Variants in B4GALNT3 observed in about 807,000 individuals in gnomAD.
The protein encoded by B4GALNT3 is beta-1,4-N-acetylgalactosaminyltransferase 3.
B4GALNT3 carries 86 observed loss-of-function variants against 120.2 expected under a neutral mutation model. That is an observed-to-expected ratio of 0.72 (90% CI 0.60 to 0.86). The LOEUF is 0.86. B4GALNT3 is among the 40% of genes least tolerant of loss of function. B4GALNT3 has a pLI of 0.00. For synonymous variants in B4GALNT3, 518 were observed against 510.4 expected (o/e 1.01, Z -0.20); for missense variants, 1,167 against 1,298.9 (o/e 0.90, Z 1.56).
chr12:500,565 G>A (rs1259952552), intron 1 of B4GALNT3, among the ~76,000 whole-genome samples: 1 of 152,144 alleles, frequency 6.6e-6, no homozygotes, highest in Non-Finnish European at 1.5e-5. Context: ...TTCTAGTATG[G>A]ACATTCGGCT....
chr12:558,398 G>C (rs2079399498), intron 17 of B4GALNT3, 110 bp from the exon 18 acceptor site: 1 of 1,064,684 alleles, frequency 9.4e-7, no homozygotes, highest in Non-Finnish European at 1.4e-6. Context: ...TTTTGTGGGA[G>C]TTTGTGAATC....
intron 1 of B4GALNT3, among the ~76,000 whole-genome samples, chr12:520,063 C>T (rs901550356): frequency 5.3e-5 from 8 of 152,172 alleles, no homozygotes; most frequent in African/African-American, 1.9e-4. Flanking sequence ...TCATGTCCCT[C>T]CAGCATGGAG....
chr12:536,158 C>A, intron 2 of B4GALNT3, 60 bp from the exon 3 acceptor site: 1 of 1,458,140 alleles, frequency 6.9e-7, no homozygotes. Context: ...TGCCTCCTGT[C>A]CTGCCCGTAG....
chr12:462,602 G>C (rs1946032321), intron 1 of B4GALNT3, among the ~76,000 whole-genome samples: 1 of 151,796 alleles, frequency 6.6e-6, no homozygotes, highest in Admixed American at 6.6e-5. Flanking sequence ...TGCCAGAATT[G>C]ACTTCGTTTC....
chr12:545,951 T>G (rs1395604820), intron 6 of B4GALNT3, among the ~76,000 whole-genome samples: 8 of 7,356 alleles, frequency 1.1e-3, no homozygotes, highest in Non-Finnish European at 2.0e-3. Flanking sequence ...AGTGGGGAGG[T>G]GCGAGGAGTG....
intron 1 of B4GALNT3, among the ~76,000 whole-genome samples, chr12:512,649 CCTTCCACCTT>C (rs1946600974): frequency 7.4e-6 from 1 of 135,662 alleles, no homozygotes; most frequent in African/African-American, 2.8e-5. Flanking sequence ...CCACCTTCCA[CCTTCCACCTT>C]CTTCCACCTT....
In B4GALNT3 at chr12:561,492, C is replaced by A; in HGVS notation, c.*41C>A. The A allele has an allele frequency of 6.8e-7, 1 of 1,467,038 alleles. No individual in the cohort carries two copies. Among genetic ancestry groups the A allele is most frequent in the Non-Finnish European group, 9.4e-7 (1 of 1,061,418 alleles). 90.9% of individuals were successfully genotyped at this position (1,467,038 alleles called of 1,614,324 possible). A position where few individuals can be genotyped will look rare whatever the true frequency, so the allele number is the denominator to read the frequency against. ...GGGGCCCAGCACTCCCCGCTCTGGACTAGCAGTGGCTCCCCAGGGCCCTGC... is the reference window on the plus strand; with the variant it reads ...GGGGCCCAGCACTCCCCGCTCTGGAATAGCAGTGGCTCCCCAGGGCCCTGC... On this transcript the variant is annotated 3_prime_UTR_variant, in exon 20 of 20. Coordinates refer to ENST00000266383, the MANE Select transcript of B4GALNT3 (RefSeq NM_173593.4).
At chr12:491,706 A>G (rs769553516) in intron 1 of B4GALNT3, among the ~76,000 whole-genome samples, 6 of 152,140 alleles carry the variant, frequency 3.9e-5, no homozygotes, top group Admixed American at 3.3e-4. Context: ...TCTACAACCT[A>G]CAACTAACAT....
chr12:552,292 T>TACACACACACACACACACACACACACAC (rs10604398), intron 12 of B4GALNT3, 129 bp downstream of exon 12: 1 of 578,074 alleles, frequency 1.7e-6, no homozygotes, highest in African/African-American at 2.0e-5. Flanking sequence ...TCCTGAGTAC[T>TACACACACACACACACACACACACACAC]ACACACACAC....
intron 1 of B4GALNT3, among the ~76,000 whole-genome samples, chr12:504,881 G>T (rs1359156536): frequency 6.6e-6 from 1 of 150,912 alleles, no homozygotes. Context: ...GTCTTAAAAA[G>T]AATTCATCAC....
chr12:556,860 G>A lies in B4GALNT3; in HGVS notation c.2374G>A (p.Val792Met), dbSNP rs1311583893. ...WSHRAVVHFV[V>M]PVKNQARWVQ... Reference sequence around the variant, plus strand: ...TCACCGAGCCGTGGTCCACTTCGTCGTGCCTGGTGAGCCTCAAGCTGAGCC... The same window carrying A: ...TCACCGAGCCGTGGTCCACTTCGTCATGCCTGGTGAGCCTCAAGCTGAGCC... Residue 792 changes from valine to methionine, a missense_variant, in exon 15 of 20, where the codon GTG becomes ATG. Physicochemically the swap from Val to Met is conservative, Grantham distance 21. Coordinates refer to ENST00000266383, the MANE Select transcript of B4GALNT3 (RefSeq NM_173593.4). The A allele has an allele frequency of 1.2e-5, 19 of 1,601,988 alleles. No individual in the cohort carries two copies. The highest frequency in any genetic ancestry group is 5.4e-5 in the African/African-American group (4 of 74,676).
At chr12:476,371 C>T (rs529625444) in intron 1 of B4GALNT3, among the ~76,000 whole-genome samples, 1 of 152,028 alleles carries the variant, frequency 6.6e-6, no homozygotes, top group African/African-American at 2.4e-5. Flanking sequence ...TAAGAGAATC[C>T]CTTGAGGCCG....
intron 1 of B4GALNT3, among the ~76,000 whole-genome samples, chr12:533,416 C>A (rs1447996999): frequency 6.6e-6 from 1 of 152,206 alleles, no homozygotes; most frequent in East Asian, 1.9e-4. Context: ...ACAGGAGAGA[C>A]CTTGATGGCA....
chr12:535,218 A>G lies in B4GALNT3; in HGVS notation c.222A>G (p.Pro74=). 1.9e-6 allele frequency: 3 copies of G among 1,613,864 alleles called. No homozygotes were observed. Among genetic ancestry groups the G allele is most frequent in the Non-Finnish European group, 2.5e-6 (3 of 1,179,948 alleles). Residue 74 remains proline (P), a synonymous_variant, in exon 2 of 20, where the codon CCA becomes CCG. Coordinates refer to ENST00000266383, the MANE Select transcript of B4GALNT3 (RefSeq NM_173593.4). ...LAKALASRNI[P]AVDPHLQFYH... The stretch of plus-strand genomic sequence containing the variant: ...AGGCTCTGGCCAGCAGGAACATTCC[A>G]GCTGTGGATCCACACCTCCAGTTCT...
intron 1 of B4GALNT3, among the ~76,000 whole-genome samples, chr12:523,584 T>C (rs1048048780): frequency 6.6e-6 from 1 of 152,198 alleles, no homozygotes; most frequent in Non-Finnish European, 1.5e-5. Context: ...GTGCACGAAG[T>C]CTTGGGCCAA....
At position 460,866 on chromosome 12, in the gene B4GALNT3, G is replaced by A. The variant is rs1436449126; in HGVS notation, c.169+321G>A. On this transcript the variant is annotated intron_variant, in intron 1 of 19. Coordinates refer to ENST00000266383, the MANE Select transcript of B4GALNT3 (RefSeq NM_173593.4). The surrounding 1 kb of genome is among the most constrained non-coding windows in gnomAD (Gnocchi z 8.0). ...TCCCGCCGAGACGCTGGCGGAGACC[G>A]GGCCCCTCCAGCCGCTCCGGGCTTG... is the stretch of plus-strand genomic sequence containing the variant. Among the ~76,000 whole-genome samples the A allele has an allele frequency of 1.3e-5, 2 of 152,064 alleles. No homozygotes were observed. The highest frequency in any genetic ancestry group is 4.8e-5 in the African/African-American group (2 of 41,424).
intron 19 of B4GALNT3, among the ~76,000 whole-genome samples, chr12:560,887 G>T (rs531178455): frequency 6.6e-6 from 1 of 152,186 alleles, no homozygotes; most frequent in Non-Finnish European, 1.5e-5. Context: ...GGGCCTAGGC[G>T]CCAGGTGTCT....
intron 3 of B4GALNT3, among the ~76,000 whole-genome samples, chr12:539,826 G>A (rs1173675152): frequency 6.6e-6 from 1 of 152,198 alleles, no homozygotes; most frequent in Non-Finnish European, 1.5e-5. Context: ...AAAAAGGATT[G>A]CTTGAGGCCA....
chr12:468,577 G>A lies in B4GALNT3; in HGVS notation c.169+8032G>A, dbSNP rs147402024. ...AACAGCCGAGAGACTGGCCAGGAAGGCCAGAAACCTGGTGTGTCATGTGGG... is the reference window on the plus strand; with the variant it reads ...AACAGCCGAGAGACTGGCCAGGAAGACCAGAAACCTGGTGTGTCATGTGGG... On this transcript the variant is annotated intron_variant, in intron 1 of 19. Transcript: ENST00000266383. Among the ~76,000 whole-genome samples, 442 of 152,154 alleles carry A rather than the reference G, an allele frequency of 2.9e-3. 4 individuals carry two copies. Among genetic ancestry groups the A allele is most frequent in the Non-Finnish European group, 1.3e-3 (90 of 68,002 alleles).
Sources: allele counts gnomAD v4.1 joint callset (sites outside exome capture counted in the v4.1 genomes callset), GRCh38; gene constraint gnomAD v4.1.1; non-coding constraint Gnocchi (gnomAD v3.1); transcripts MANE v1.5; gene names NCBI Gene and HGNC (gene_info 2026-07-23, HGNC 2026-07-21).